The following ZFHX4 variants were observed in gnomAD, a reference collection of about 807,000 sequenced individuals.
ZFHX4 encodes zinc finger homeobox 4, also known as zinc finger homeobox protein 4.
Under a neutral mutation model 267.6 loss-of-function variants are expected in ZFHX4, and 56 were observed. That is an observed-to-expected ratio of 0.21 (90% confidence interval 0.17 to 0.26). ZFHX4 has a LOEUF of 0.26. ZFHX4 is among the 10% of genes least tolerant of loss of function. The probability of loss-of-function intolerance (pLI) is 1.00; values close to 1 mark genes in which losing one functional copy is unlikely to be tolerated. For missense variants in ZFHX4, 4,332 were observed against 4,420.0 expected, an observed-to-expected ratio of 0.98 and a Z score of 0.56; for synonymous variants, 1,778 against 1,665.6, an observed-to-expected ratio of 1.07 and a Z score of -1.64.
At chr8:76,767,884 T>C (rs1185084558) in intron 3 of ZFHX4, among the ~76,000 whole-genome samples, 1 of 152,194 alleles carries the variant, frequency 6.6e-6, no homozygotes, top group Non-Finnish European at 1.5e-5. Context: ...GGTCCTGTAT[T>C]GGACCCATTA....
intron 4 of ZFHX4, among the ~76,000 whole-genome samples, chr8:76,832,705 T>C (rs1489731938): frequency 6.6e-6 from 1 of 152,122 alleles, no homozygotes; most frequent in Non-Finnish European, 1.5e-5. Flanking sequence ...TTCCATAGGT[T>C]CCCCTACAAT....
In ZFHX4 at chr8:76,855,280, C is replaced by T; in HGVS notation, c.8359C>T (p.Pro2787Ser). 2 of 1,612,462 alleles carry T rather than the reference C, an allele frequency of 1.2e-6. No individual in the cohort carries two copies. The highest frequency in any genetic ancestry group is 1.7e-6 in the Non-Finnish European group (2 of 1,179,466). ...TGAGGATGTAGAGAATTTAAATGCC[C>T]CTCCTGCTGAGGCTGGGTATGATCA... ...CSEDVENLNA[P>S]PAEAGYDQNK... is the part of the protein sequence containing the mutation. Residue 2787 changes from proline to serine, a missense_variant, in exon 10 of 11, where the codon CCT (proline) becomes TCT (serine). Pro to Ser is a moderately conservative substitution (Grantham distance 74). This residue lies in a region of ZFHX4 where 1,648 missense variants were observed against 1,625.0 expected (regional missense o/e 1.01). Coordinates refer to ENST00000651372, the MANE Select transcript of ZFHX4 (RefSeq NM_024721.5).
At chr8:76,839,733 C>T (rs1812185976) in intron 5 of ZFHX4, among the ~76,000 whole-genome samples, 1 of 152,106 alleles carries the variant, frequency 6.6e-6, no homozygotes, top group African/African-American at 2.4e-5. Flanking sequence ...GTATATTTTC[C>T]TCAGTTCTAC....
chr8:76,819,499 C>T (rs1188038184), intron 4 of ZFHX4, among the ~76,000 whole-genome samples: 1 of 152,044 alleles, frequency 6.6e-6, no homozygotes, highest in Non-Finnish European at 1.5e-5. Flanking sequence ...CAGAACTAGG[C>T]CATTAGGTGA....
At chr8:76,839,053 A>AAGAGAGAG (rs35873786) in intron 5 of ZFHX4, among the ~76,000 whole-genome samples, 1,290 of 107,422 alleles carry the variant, frequency 0.012, 42 homozygotes, top group Non-Finnish European at 0.018. Flanking sequence ...CTCTGTCTGA[A>AAGAGAGAG]AGAGAGAGAG....
intron 4 of ZFHX4, among the ~76,000 whole-genome samples, chr8:76,795,389 T>G (rs1366507412): frequency 6.6e-6 from 1 of 152,064 alleles, no homozygotes; most frequent in Non-Finnish European, 1.5e-5. Context: ...TCCTATTGCC[T>G]AAGCCACCTG....
In ZFHX4 at chr8:76,856,114, G is replaced by A. The variant is rs969571748; in HGVS notation, c.9193G>A (p.Asp3065Asn). 6.2e-7 allele frequency: 1 copy of A among 1,613,842 alleles called. No homozygotes were observed. The highest frequency in any genetic ancestry group is 2.2e-5 in the East Asian group (1 of 44,874). Reference sequence around the variant, plus strand: ...GCAGCTGATGGCACAGCAAGAACTTGATCGTATAAAGAAAGCTTCAGACGT... The same window carrying A: ...GCAGCTGATGGCACAGCAAGAACTTAATCGTATAAAGAAAGCTTCAGACGT... ...VRQLMAQQEL[D>N]RIKKASDVLG... The change falls in exon 10 of 11, where the codon GAT (aspartate) becomes AAT (asparagine). Residue 3065 changes from aspartate (D) to asparagine (N), a missense_variant. Coordinates refer to ENST00000651372, the MANE Select transcript of ZFHX4 (RefSeq NM_024721.5).
chr8:76,717,040 C>T (rs1808594568), intron 3 of ZFHX4, among the ~76,000 whole-genome samples: 1 of 152,128 alleles, frequency 6.6e-6, no homozygotes, highest in South Asian at 2.1e-4. Context: ...AAGCATTTAA[C>T]TTACTACACA....
rs753245273 is a variant in ZFHX4 at position 76,852,158 on chromosome 8, C to T, written c.5237C>T (p.Thr1746Met). Residue 1746 changes from threonine (T) to methionine (M), a missense_variant, in exon 10 of 11, where the codon ACG becomes ATG. Transcript: ENST00000651372. The stretch of plus-strand genomic sequence containing the variant: ...CTCTTTCCATTTTATATACCTGGGA[C>T]GGAGTTCAGCTTGGGGCCAGATTTG... ...QFLFPFYIPG[T>M]EFSLGPDLGL... The T allele has an allele frequency of 1.9e-5, 31 of 1,613,782 alleles. No individual in the cohort carries two copies. The highest frequency in any genetic ancestry group is 1.6e-4 in the East Asian group (7 of 44,864).
rs148195222 is a variant in ZFHX4 at position 76,846,093 on chromosome 8, A to G, written c.3512-2902A>G. Among the ~76,000 whole-genome samples the G allele has an allele frequency of 4.9e-3, 745 of 152,198 alleles. 7 individuals carry two copies. The highest frequency in any genetic ancestry group is 0.017 in the African/African-American group (710 of 41,574). ...ATTTAATAGGCATTTCCAGGATAAT[A>G]CAACTTAGAAAAGAGACCCCAGAGT... On this transcript the variant is annotated intron_variant, in intron 6 of 10. Transcript: ENST00000651372.
chr8:76,841,146 G>A (rs1238984584), intron 5 of ZFHX4, among the ~76,000 whole-genome samples: 1 of 152,162 alleles, frequency 6.6e-6, no homozygotes, highest in Non-Finnish European at 1.5e-5. Context: ...TGCCTTTGAG[G>A]ACTCACAGTT....
intron 4 of ZFHX4, among the ~76,000 whole-genome samples, chr8:76,794,873 TTGTGTGTG>T (rs71277761): frequency 2.0e-4 from 29 of 143,166 alleles, no homozygotes; most frequent in African/African-American, 6.6e-4. Context: ...TGGCCTGTCA[TTGTGTGTG>T]TGTGTGTGTG....
At chr8:76,747,322 G>A (rs1004280786) in intron 3 of ZFHX4, among the ~76,000 whole-genome samples, 5 of 152,092 alleles carry the variant, frequency 3.3e-5, no homozygotes, top group Non-Finnish European at 5.9e-5. Context: ...GGTTTGTTAT[G>A]TGGGTAAATT....
intron 6 of ZFHX4, among the ~76,000 whole-genome samples, chr8:76,847,843 C>T (rs11993441): frequency 0.27 from 41,230 of 151,356 alleles, 10,117 homozygotes; most frequent in African/African-American, 0.65. Flanking sequence ...TCATATGAAC[C>T]GTATGTGGAT....
At position 76,854,054 on chromosome 8, in the gene ZFHX4, C is replaced by A; in HGVS notation, c.7133C>A (p.Ala2378Asp). 7 of 1,613,910 alleles carry A rather than the reference C, an allele frequency of 4.3e-6. No individual in the cohort carries two copies. The highest frequency in any genetic ancestry group is 5.9e-6 in the Non-Finnish European group (7 of 1,179,864). ...GQTDAAKNAA[A>D]PAASSGSGTS... is the part of the protein sequence containing the mutation. ...ACGGATGCAGCTAAAAACGCTGCTG[C>A]CCCTGCAGCAAGTTCTGGCTCTGGG... Residue 2378 changes from alanine (A) to aspartate (D), a missense_variant, in exon 10 of 11, where the codon GCC becomes GAC. Transcript: ENST00000651372.
rs1812441962 is a variant in ZFHX4 at position 76,849,137 on chromosome 8, T to A, written c.3645+9T>A. 6.5e-7 allele frequency: 1 copy of A among 1,538,450 alleles called. No homozygotes were observed. Among genetic ancestry groups the A allele is most frequent in the Non-Finnish European group, 8.8e-7 (1 of 1,142,342 alleles). ...AATTCTGTCATGAACAGGTAAATAC[T>A]TTTTTTCCCCTTTACTGTGTAAATC... On this transcript the variant is annotated intron_variant, in intron 7 of 10. Coordinates refer to ENST00000651372, the MANE Select transcript of ZFHX4 (RefSeq NM_024721.5).
In ZFHX4 at chr8:76,864,612, T is replaced by TAAAA; in HGVS notation, c.*54_*57dup. 1 of 1,225,226 alleles carries TAAAA rather than the reference T, an allele frequency of 8.2e-7. No individual in the cohort carries two copies. Among genetic ancestry groups the TAAAA allele is most frequent in the Non-Finnish European group, 1.1e-6 (1 of 922,308 alleles). 75.9% of individuals were successfully genotyped at this position (1,225,226 alleles called of 1,614,324 possible). A position where few individuals can be genotyped will look rare whatever the true frequency, so the allele number is the denominator to read the frequency against. ...CTTAAAAAAATAAAAAATAAAAAAA[T>TAAAA]AAAAAAAAAATAAGACTTTAACTGC... On this transcript the variant is annotated 3_prime_UTR_variant, in exon 11 of 11. Transcript: ENST00000651372.
chr8:76,796,989 C>T (rs1810995238), intron 4 of ZFHX4, among the ~76,000 whole-genome samples: 1 of 152,138 alleles, frequency 6.6e-6, no homozygotes, highest in Non-Finnish European at 1.5e-5. Context: ...AAGAGTGAGT[C>T]TCCTCTAACG....
At chr8:76,758,658 C>T (rs1377805004) in intron 3 of ZFHX4, among the ~76,000 whole-genome samples, 2 of 152,038 alleles carry the variant, frequency 1.3e-5, no homozygotes, top group African/African-American at 4.8e-5. Flanking sequence ...CAATGGCTGG[C>T]TAATTTTTGT....
Sources: allele counts gnomAD v4.1 joint callset (sites outside exome capture counted in the v4.1 genomes callset), GRCh38; gene constraint gnomAD v4.1.1; regional missense constraint gnomAD v4.1.1; transcripts MANE v1.5; gene names NCBI Gene and HGNC (gene_info 2026-07-23, HGNC 2026-07-21).